Variants in TVP23A observed in about 807,000 individuals in gnomAD.
The protein encoded by TVP23A is trans-golgi network vesicle protein 23 homolog A.
TVP23A carries 21 observed loss-of-function variants against 31.7 expected under a neutral mutation model. The observed-to-expected ratio is 0.66, with a 90% confidence interval of 0.47 to 0.95. TVP23A has a LOEUF of 0.95. Ranked by LOEUF, TVP23A falls within the 40% of genes least tolerant of loss-of-function variation. The probability of loss-of-function intolerance (pLI) is 0.00; values close to 1 mark genes in which losing one functional copy is unlikely to be tolerated. For missense variants in TVP23A, 279 were observed against 255.6 expected (o/e 1.09, Z -0.62); for synonymous variants, 104 against 96.0 (o/e 1.08, Z -0.49).
chr16:10,814,243 T>C (rs966701652), intron 2 of TVP23A, among the ~76,000 whole-genome samples: 3 of 152,118 alleles, frequency 2.0e-5, no homozygotes, highest in Non-Finnish European at 4.4e-5. Context: ...CTCTCAAACA[T>C]ACCCACCTGG....
At chr16:10,797,869 G>A (rs902332626) in intron 2 of TVP23A, among the ~76,000 whole-genome samples, 34 of 151,912 alleles carry the variant, frequency 2.2e-4, no homozygotes, top group African/African-American at 8.0e-4. Context: ...GGGCATCATT[G>A]AATGAGGGTG....
intron 2 of TVP23A, among the ~76,000 whole-genome samples, chr16:10,805,966 A>G (rs1596566110): frequency 6.6e-6 from 1 of 152,350 alleles, no homozygotes; most frequent in Middle Eastern, 3.4e-3. Context: ...TGCTACCAGC[A>G]TCTGCAAAAC....
At chr16:10,808,481 G>A in intron 2 of TVP23A, 1 of 454,150 alleles carries the variant, frequency 2.2e-6, no homozygotes, top group Middle Eastern at 5.9e-4. Flanking sequence ...ACATTCACTA[G>A]GCTGAACAAG....
chr16:10,786,011 G>A (rs1334984932), intron 2 of TVP23A, among the ~76,000 whole-genome samples: 2 of 152,152 alleles, frequency 1.3e-5, no homozygotes, highest in African/African-American at 4.8e-5. Flanking sequence ...GCTGGGAGGG[G>A]TCTTCCAGGT....
Position 10,767,353 on chromosome 16 carries a change from T to G in TVP23A, c.*1749A>C, listed in dbSNP as rs2142836548. 1 of 399,690 alleles carries G rather than the reference T, an allele frequency of 2.5e-6. No homozygotes were observed. Among genetic ancestry groups the G allele is most frequent in the African/African-American group, 2.1e-5 (1 of 48,754 alleles). 24.8% of individuals were successfully genotyped at this position (399,690 alleles called of 1,614,324 possible). On this transcript the variant is annotated 3_prime_UTR_variant, in exon 8 of 8. Coordinates refer to ENST00000299866, the MANE Select transcript of TVP23A (RefSeq NM_001079512.4). This position sits in a 1 kb window ranked among gnomAD's most constrained non-coding sequence, Gnocchi z 4.6. The stretch of plus-strand genomic sequence containing the variant: ...CAATGGCCACATGGCGGGGAAAGAC[T>G]AGCAGACTGATAGACACCAGCACAG...
chr16:10,816,593 C>T (rs2034448811), intron 2 of TVP23A, among the ~76,000 whole-genome samples: 1 of 152,082 alleles, frequency 6.6e-6, no homozygotes, highest in African/African-American at 2.4e-5. Context: ...CTTGGCCTCC[C>T]AAAGTGCTGA....
chr16:10,775,623 G>T, intron 2 of TVP23A: 1 of 836,998 alleles, frequency 1.2e-6, no homozygotes, highest in Non-Finnish European at 1.4e-6. Flanking sequence ...AATGGCACGT[G>T]AATCCTGGCA....
intron 2 of TVP23A, among the ~76,000 whole-genome samples, chr16:10,791,754 C>T (rs1466754135): frequency 1.3e-5 from 2 of 152,276 alleles, no homozygotes; most frequent in Admixed American, 6.5e-5. Flanking sequence ...ACTACAGGCG[C>T]GTGCCACCAT....
intron 6 of TVP23A, among the ~76,000 whole-genome samples, chr16:10,770,574 A>AC (rs2031513621): frequency 6.6e-6 from 1 of 151,000 alleles, no homozygotes; most frequent in Admixed American, 6.6e-5. Flanking sequence ...TTAAAAAAAA[A>AC]AAACAAAACA....
Position 10,767,596 on chromosome 16 carries a change from C to T in TVP23A, c.*1506G>A. ...CTTTTATGCCATATCCTTTTGCATT[C>T]TGTACTTTTTTTAACCATGTGCATT... is the stretch of plus-strand genomic sequence containing the variant. On this transcript the variant is annotated 3_prime_UTR_variant, in exon 8 of 8. Transcript: ENST00000299866. The surrounding 1 kb of genome is among the most constrained non-coding windows in gnomAD (Gnocchi z 4.6). The T allele has an allele frequency of 4.4e-6, 2 of 454,410 alleles. No individual in the cohort carries two copies. Among genetic ancestry groups the T allele is most frequent in the Non-Finnish European group, 7.7e-6 (2 of 259,152 alleles). The allele number at this position is 454,410 out of a possible 1,614,324, so 28.1% of individuals were successfully genotyped here.
intron 2 of TVP23A, among the ~76,000 whole-genome samples, chr16:10,781,273 G>A (rs1407795241): frequency 6.6e-6 from 1 of 150,860 alleles, no homozygotes; most frequent in Non-Finnish European, 1.5e-5. Context: ...AGGTTGCAGT[G>A]AGCCAAGATC....
chr16:10,806,917 T>C (rs760687180), intron 2 of TVP23A, among the ~76,000 whole-genome samples: 2 of 152,234 alleles, frequency 1.3e-5, no homozygotes, highest in African/African-American at 2.4e-5. Flanking sequence ...AAATACGTAA[T>C]TCCGTGCCCT....
chr16:10,775,314 C>T (rs1471225795), intron 2 of TVP23A: 1 of 1,385,124 alleles, frequency 7.2e-7, no homozygotes, highest in Non-Finnish European at 9.3e-7. Flanking sequence ...TTTTCCTCCC[C>T]TTCGAAGAAT....
intron 2 of TVP23A, among the ~76,000 whole-genome samples, chr16:10,806,373 C>G (rs973791960): frequency 6.6e-6 from 1 of 152,150 alleles, no homozygotes. Context: ...ACTAAATACT[C>G]TAGGTCCATG....
rs935840233 is a variant in TVP23A, at chr16:10,777,635, C to T, written c.90-2539G>A. The stretch of plus-strand genomic sequence containing the variant: ...GCACCAACTATTCACCAGGATGGGT[C>T]TCATCTGAGCCTCTCAGGCTCTTGG... On this transcript the variant is annotated intron_variant, in intron 2 of 7. Coordinates refer to ENST00000299866, the MANE Select transcript of TVP23A (RefSeq NM_001079512.4). The surrounding 1 kb of genome is among the most constrained non-coding windows in gnomAD (Gnocchi z 4.5). Among the ~76,000 whole-genome samples the T allele has an allele frequency of 6.6e-6, 1 of 152,202 alleles. No homozygotes were observed. The highest frequency in any genetic ancestry group is 1.5e-5 in the Non-Finnish European group (1 of 68,034).
intron 2 of TVP23A, among the ~76,000 whole-genome samples, chr16:10,801,198 A>C (rs1310916667): frequency 6.6e-6 from 1 of 152,170 alleles, no homozygotes; most frequent in Non-Finnish European, 1.5e-5. Flanking sequence ...GAAAGAAAAA[A>C]AAAATGCGAT....
intron 2 of TVP23A, among the ~76,000 whole-genome samples, chr16:10,791,045 G>C (rs2033075057): frequency 6.6e-6 from 1 of 152,070 alleles, no homozygotes; most frequent in African/African-American, 2.4e-5. Flanking sequence ...CAGTTGGTTG[G>C]GGGGCTTAGA....
downstream of TVP23A, among the ~76,000 whole-genome samples, chr16:10,764,112 A>G (rs1400956355): frequency 6.6e-6 from 1 of 152,108 alleles, no homozygotes; most frequent in Non-Finnish European, 1.5e-5. Context: ...CCACAGGAGT[A>G]TCTCAGCCCA....
chr16:10,757,449 T>A (rs1596457822), downstream of TVP23A, among the ~76,000 whole-genome samples: 1 of 152,190 alleles, frequency 6.6e-6, no homozygotes, highest in African/African-American at 2.4e-5. This position sits in a 1 kb window ranked among gnomAD's most constrained non-coding sequence, Gnocchi z 4.1. Flanking sequence ...CTCAGCACTA[T>A]TGATATTTTG....
Sources: allele counts gnomAD v4.1 joint callset (sites outside exome capture counted in the v4.1 genomes callset), GRCh38; gene constraint gnomAD v4.1.1; non-coding constraint Gnocchi (gnomAD v3.1); transcripts MANE v1.5; gene names NCBI Gene and HGNC (gene_info 2026-07-23, HGNC 2026-07-21).